Variants in PRKAG2 observed in about 807,000 individuals in gnomAD.
PRKAG2 encodes 5'-AMP-activated protein kinase subunit gamma-2.
In PRKAG2, 26 loss-of-function variants were observed where a neutral mutation model predicts 69.6. The observed-to-expected ratio is 0.37, with a 90% confidence interval of 0.27 to 0.52. The LOEUF (loss-of-function observed/expected upper bound fraction) is 0.52, where lower values mean the gene tolerates loss of function less well. PRKAG2 is among the 20% of genes least tolerant of loss of function. The probability of loss-of-function intolerance (pLI) is 0.90; values close to 1 mark genes in which losing one functional copy is unlikely to be tolerated. For missense variants in PRKAG2, 557 were observed against 740.0 expected, an observed-to-expected ratio of 0.75 and a Z score of 2.87; for synonymous variants, 293 against 285.0, an observed-to-expected ratio of 1.03 and a Z score of -0.28.
At chr7:151,569,516 A>G (rs908197870) in intron 10 of PRKAG2, among the ~76,000 whole-genome samples, 6 of 152,158 alleles carry the variant, frequency 3.9e-5, no homozygotes, top group Admixed American at 3.9e-4. Context: ...CGGCTAGGAG[A>G]TATTGCAGGG....
At chr7:151,803,430 T>G (rs1254562638) in intron 1 of PRKAG2, among the ~76,000 whole-genome samples, 1 of 152,194 alleles carries the variant, frequency 6.6e-6, no homozygotes, top group Non-Finnish European at 1.5e-5. Flanking sequence ...TTACAAAATT[T>G]GAGCAGCAGT....
At chr7:151,872,583 A>G (rs1322024888) in intron 1 of PRKAG2, among the ~76,000 whole-genome samples, 2 of 152,224 alleles carry the variant, frequency 1.3e-5, no homozygotes, top group Non-Finnish European at 2.9e-5. Flanking sequence ...CCTGCTAGGG[A>G]TCCCCTGAGG....
intron 15 of PRKAG2, chr7:151,559,379 G>C: frequency 1.0e-6 from 1 of 985,436 alleles, no homozygotes; most frequent in Non-Finnish European, 1.2e-6. Context: ...ACTATTGTGA[G>C]ATTCAGGTCT....
chr7:151,633,433 G>A (rs1013088737), intron 4 of PRKAG2, among the ~76,000 whole-genome samples: 1 of 151,886 alleles, frequency 6.6e-6, no homozygotes, highest in South Asian at 2.1e-4. Flanking sequence ...GAAAAGGAAA[G>A]AAAACGCATA....
At chr7:151,655,391 T>A (rs1205134708) in intron 4 of PRKAG2, among the ~76,000 whole-genome samples, 1 of 152,172 alleles carries the variant, frequency 6.6e-6, no homozygotes, top group African/African-American at 2.4e-5. Context: ...CCATGCAGAA[T>A]CACCTGTGTG....
At chr7:151,785,654 C>T (rs2076967026) in intron 2 of PRKAG2, among the ~76,000 whole-genome samples, 1 of 152,238 alleles carries the variant, frequency 6.6e-6, no homozygotes, top group Non-Finnish European at 1.5e-5. Flanking sequence ...CTGTACGTAG[C>T]CCCCAGATCA....
chr7:151,829,842 G>T (rs957806484), intron 1 of PRKAG2, among the ~76,000 whole-genome samples: 1 of 151,880 alleles, frequency 6.6e-6, no homozygotes, highest in African/African-American at 2.4e-5. Flanking sequence ...GTTGACGGGG[G>T]GAAGCCAGGC....
At chr7:151,800,410 C>T (rs1241477120) in intron 1 of PRKAG2, among the ~76,000 whole-genome samples, 1 of 151,994 alleles carries the variant, frequency 6.6e-6, no homozygotes, top group Non-Finnish European at 1.5e-5. Context: ...TCAGTTTCCT[C>T]CTCTGAGACA....
At chr7:151,817,087 C>T (rs957063363) in intron 1 of PRKAG2, among the ~76,000 whole-genome samples, 2 of 152,146 alleles carry the variant, frequency 1.3e-5, no homozygotes, top group Admixed American at 6.5e-5. Flanking sequence ...ACCGCAAGCA[C>T]GGTCACTGTC....
chr7:151,696,045 T>C (rs1212343329), intron 3 of PRKAG2, among the ~76,000 whole-genome samples: 1 of 152,178 alleles, frequency 6.6e-6, no homozygotes, highest in Non-Finnish European at 1.5e-5. Context: ...TGTTGCCAGC[T>C]AGAATCGCCA....
chr7:151,771,745 T>C lies in PRKAG2; in HGVS notation c.466+9407A>G, dbSNP rs2076032733. On this transcript the variant is annotated intron_variant, in intron 3 of 15. Coordinates refer to ENST00000287878, the MANE Select transcript of PRKAG2 (RefSeq NM_016203.4). The surrounding 1 kb of genome is among the most constrained non-coding windows in gnomAD (Gnocchi z 4.0). ...ACGTTTATATTGTTGTTTTGTTTCATTTTCTATTTGGAGTGGGAAGCTGTA... is the reference window on the plus strand; with the variant it reads ...ACGTTTATATTGTTGTTTTGTTTCACTTTCTATTTGGAGTGGGAAGCTGTA... 6.6e-6 allele frequency among the ~76,000 whole-genome samples: 1 copy of C among 152,228 alleles called. No individual in the cohort carries two copies. The highest frequency in any genetic ancestry group is 1.5e-5 in the Non-Finnish European group (1 of 68,044).
chr7:151,697,280 C>T (rs759841813), intron 3 of PRKAG2, among the ~76,000 whole-genome samples: 9 of 152,084 alleles, frequency 5.9e-5, no homozygotes, highest in Non-Finnish European at 1.3e-4. Flanking sequence ...CTTGGGGTCC[C>T]AACAGGCAGG....
chr7:151,660,541 T>G (rs771824477), intron 4 of PRKAG2, among the ~76,000 whole-genome samples: 2 of 152,262 alleles, frequency 1.3e-5, no homozygotes, highest in Non-Finnish European at 2.9e-5. Flanking sequence ...AACCAGTAGT[T>G]TGCTTTATAA....
chr7:151,814,797 G>A lies in PRKAG2; in HGVS notation c.115-28256C>T. On this transcript the variant is annotated intron_variant, in intron 1 of 15. Transcript: ENST00000287878. This position sits in a 1 kb window ranked among gnomAD's most constrained non-coding sequence, Gnocchi z 4.8. ...CTGCTCAAAATGCAGGCAGAGCTCG[G>A]GCAGATTCCCCCATTGACGGGACTG... 8.1e-7 allele frequency: 1 copy of A among 1,231,824 alleles called. No homozygotes were observed. Among genetic ancestry groups the A allele is most frequent in the East Asian group, 3.2e-5 (1 of 31,708 alleles). The allele number at this position is 1,231,824 out of a possible 1,614,324, so 76.3% of individuals were successfully genotyped here. A position where few individuals can be genotyped will look rare whatever the true frequency, so the allele number is the denominator to read the frequency against.
At chr7:151,778,931 A>G (rs1439480499) in intron 3 of PRKAG2, among the ~76,000 whole-genome samples, 2 of 151,750 alleles carry the variant, frequency 1.3e-5, no homozygotes, top group Non-Finnish European at 2.9e-5. Context: ...ACATATATGC[A>G]CATACATACA....
At chr7:151,735,907 G>T (rs752008720) in intron 3 of PRKAG2, 2 of 1,536,312 alleles carry the variant, frequency 1.3e-6, no homozygotes, top group South Asian at 2.4e-5. Context: ...TACCGAAAAG[G>T]CCATGAGGCT....
intron 3 of PRKAG2, among the ~76,000 whole-genome samples, chr7:151,762,170 A>C (rs2075450269): frequency 1.3e-5 from 2 of 152,208 alleles, no homozygotes; most frequent in South Asian, 4.1e-4. Context: ...TGATGGACTT[A>C]GCGGGAGAAG....
intron 1 of PRKAG2, among the ~76,000 whole-genome samples, chr7:151,857,031 G>C (rs1232636554): frequency 6.6e-6 from 1 of 150,588 alleles, no homozygotes; most frequent in Non-Finnish European, 1.5e-5. Flanking sequence ...TAGGGCTCCA[G>C]AGACACTAAC....
intron 4 of PRKAG2, among the ~76,000 whole-genome samples, chr7:151,670,944 G>A (rs1831930378): frequency 6.6e-6 from 1 of 152,090 alleles, no homozygotes; most frequent in Admixed American, 6.5e-5. Context: ...AGGCCAAGGT[G>A]GGCGGATTCA....
Sources: allele counts gnomAD v4.1 joint callset (sites outside exome capture counted in the v4.1 genomes callset), GRCh38; gene constraint gnomAD v4.1.1; non-coding constraint Gnocchi (gnomAD v3.1); transcripts MANE v1.5; gene names NCBI Gene and HGNC (gene_info 2026-07-23, HGNC 2026-07-21).